Variants in ODAD2 observed in about 807,000 individuals in gnomAD.
ODAD2 encodes the protein outer dynein arm docking complex subunit 2.
A neutral mutation model predicts 106.8 loss-of-function variants in ODAD2; 89 were observed. The ratio of observed to expected loss-of-function variants is 0.83; its 90% CI spans 0.70 to 0.99. The LOEUF is 0.99. Among genes scored for constraint, ODAD2 ranks in the 50% least tolerant of loss-of-function variants. The pLI is 0.00. For missense variants in ODAD2, 1,168 were observed against 1,238.5 expected, an observed-to-expected ratio of 0.94 and a Z score of 0.85; for synonymous variants, 404 against 436.2, an observed-to-expected ratio of 0.93 and a Z score of 0.92.
At chr10:27,985,357 T>A in intron 3 of ODAD2, 146 bp from the exon 4 acceptor site, 1 of 657,384 alleles carries the variant, frequency 1.5e-6, no homozygotes, top group East Asian at 2.8e-5. Context: ...TTAGAATTCA[T>A]CTCTACGTCT....
At chr10:27,823,722 T>C (rs1836795215) in intron 19 of ODAD2, among the ~76,000 whole-genome samples, 1 of 152,188 alleles carries the variant, frequency 6.6e-6, no homozygotes, top group African/African-American at 2.4e-5. Context: ...GTTGGACTGA[T>C]CCAAATAAGC....
intron 17 of ODAD2, among the ~76,000 whole-genome samples, chr10:27,870,602 G>A (rs575366505): frequency 6.6e-6 from 1 of 152,196 alleles, no homozygotes; most frequent in East Asian, 1.9e-4. Flanking sequence ...AGAATATGCG[G>A]TGTTTGGTTT....
intron 17 of ODAD2, among the ~76,000 whole-genome samples, chr10:27,901,236 TA>T (rs1179582558): frequency 6.6e-6 from 1 of 152,092 alleles, no homozygotes; most frequent in Non-Finnish European, 1.5e-5. Flanking sequence ...GAAGGAGAAA[TA>T]AAATCCTTTA....
intron 17 of ODAD2, 22 bp from the exon 18 acceptor site, chr10:27,862,644 G>T: frequency 6.4e-7 from 1 of 1,573,324 alleles, no homozygotes; most frequent in East Asian, 2.3e-5. Flanking sequence ...TAAAAGTAAA[G>T]ATGGTATCAA....
chr10:27,876,785 C>T lies in ODAD2; in HGVS notation c.2611-14163G>A, dbSNP rs116702524. Among the ~76,000 whole-genome samples, 127 of 152,292 alleles carry T rather than the reference C, an allele frequency of 8.3e-4. 2 individuals are homozygous for T. The highest frequency in any genetic ancestry group is 2.7e-3 in the African/African-American group (114 of 41,570). ...GTTTGTCCAAGCACACTTTCCAGTA[C>T]ACTTACTGTGTTACAACTTATCTCT... is the stretch of plus-strand genomic sequence containing the variant. On this transcript the variant is annotated intron_variant, in intron 17 of 19. Coordinates refer to ENST00000305242, the MANE Select transcript of ODAD2 (RefSeq NM_018076.5).
chr10:27,928,725 T>C (rs1476748969), intron 16 of ODAD2, among the ~76,000 whole-genome samples: 3 of 152,106 alleles, frequency 2.0e-5, no homozygotes, highest in Non-Finnish European at 2.9e-5. Context: ...TACTATGCAA[T>C]CTGACTTTCA....
At chr10:27,868,185 C>T (rs1393819048) in intron 17 of ODAD2, among the ~76,000 whole-genome samples, 2 of 152,078 alleles carry the variant, frequency 1.3e-5, no homozygotes, top group African/African-American at 2.4e-5. Flanking sequence ...AAACAACATG[C>T]TTGTGAGTCT....
intron 7 of ODAD2, 141 bp downstream of exon 7, chr10:27,981,325 G>T (rs1246341044): frequency 7.4e-5 from 47 of 637,982 alleles, no homozygotes; most frequent in Non-Finnish European, 1.1e-4. Context: ...GTATTTTTAT[G>T]TTATGTTATG....
chr10:27,867,035 T>C (rs767141368), intron 17 of ODAD2, among the ~76,000 whole-genome samples: 1 of 152,138 alleles, frequency 6.6e-6, no homozygotes, highest in Non-Finnish European at 1.5e-5. Context: ...AGTGGCAAAG[T>C]GTTTGAATCT....
chr10:27,937,670 C>T (rs1317500500), intron 14 of ODAD2, among the ~76,000 whole-genome samples: 5 of 152,186 alleles, frequency 3.3e-5, no homozygotes, highest in Admixed American at 2.6e-4. Context: ...CAGATGTTTT[C>T]TGATGCCATG....
At chr10:27,889,697 C>T (rs867572095) in intron 17 of ODAD2, among the ~76,000 whole-genome samples, 1 of 152,182 alleles carries the variant, frequency 6.6e-6, no homozygotes, top group South Asian at 2.1e-4. Flanking sequence ...TCAAGTCTCC[C>T]AGCCCTGTGT....
chr10:27,822,455 C>G (rs1273399160), intron 19 of ODAD2, among the ~76,000 whole-genome samples: 1 of 152,158 alleles, frequency 6.6e-6, no homozygotes, highest in Non-Finnish European at 1.5e-5. Context: ...ACCCTTCTGA[C>G]ATTCTCCTGT....
chr10:27,900,033 G>GA (rs1843092575), intron 17 of ODAD2, among the ~76,000 whole-genome samples: 1 of 152,174 alleles, frequency 6.6e-6, no homozygotes, highest in African/African-American at 2.4e-5. Flanking sequence ...ACACCTCCCA[G>GA]CAGGGGTGGA....
chr10:27,942,548 T>C (rs1377032761), intron 12 of ODAD2, among the ~76,000 whole-genome samples: 1 of 152,260 alleles, frequency 6.6e-6, no homozygotes, highest in Non-Finnish European at 1.5e-5. Flanking sequence ...TTCCTGAATG[T>C]GATGCATAAA....
chr10:27,856,836 G>A (rs192378253), intron 19 of ODAD2, among the ~76,000 whole-genome samples: 31 of 152,174 alleles, frequency 2.0e-4, no homozygotes, highest in African/African-American at 7.0e-4. Context: ...GCATCATGGC[G>A]GGTGCCTGTA....
At chr10:27,985,901 T>TC (rs1279668076) in intron 3 of ODAD2, among the ~76,000 whole-genome samples, 1 of 151,902 alleles carries the variant, frequency 6.6e-6, no homozygotes, top group Non-Finnish European at 1.5e-5. Context: ...AGAATTTGGT[T>TC]AATGTCAAAA....
intron 3 of ODAD2, among the ~76,000 whole-genome samples, chr10:27,986,914 G>T (rs1413317724): frequency 6.6e-6 from 1 of 152,254 alleles, no homozygotes; most frequent in African/African-American, 2.4e-5. Flanking sequence ...AGTGGAAAGG[G>T]AGACTATTAA....
intron 7 of ODAD2, 95 bp downstream of exon 7, chr10:27,981,371 A>C (rs1397488689): frequency 5.5e-6 from 7 of 1,283,542 alleles, no homozygotes; most frequent in Admixed American, 3.1e-5. Flanking sequence ...AAAAGTGCCC[A>C]AAAATAGGCA....
intron 9 of ODAD2, among the ~76,000 whole-genome samples, chr10:27,962,948 G>C (rs1420489199): frequency 2.6e-5 from 4 of 151,574 alleles, no homozygotes; most frequent in Non-Finnish European, 4.4e-5. Flanking sequence ...AAATCTTCTA[G>C]CTAATTTTAA....
Sources: allele counts gnomAD v4.1 joint callset (sites outside exome capture counted in the v4.1 genomes callset), GRCh38; gene constraint gnomAD v4.1.1; transcripts MANE v1.5; gene names NCBI Gene and HGNC (gene_info 2026-07-23, HGNC 2026-07-21).